ZNF568: variants seen among roughly 807,000 people sequenced by gnomAD.
ZNF568 encodes the protein p53 inhibitor of SCO2 activation.
ZNF568 carries 11 observed loss-of-function variants against 18.1 expected under a neutral mutation model. The ratio of observed to expected loss-of-function variants is 0.61; its 90% CI spans 0.38 to 1.00. The LOEUF is 1.00. Ranked by LOEUF, ZNF568 falls within the 50% of genes least tolerant of loss-of-function variation. ZNF568 has a pLI of 0.01. For missense variants in ZNF568, 639 were observed against 768.2 expected (o/e 0.83, Z 1.99); for synonymous variants, 213 against 246.6 (o/e 0.86, Z 1.28).
downstream of ZNF568, among the ~76,000 whole-genome samples, chr19:36,981,728 G>T (rs180852611): frequency 6.6e-6 from 1 of 151,928 alleles, no homozygotes; most frequent in African/African-American, 2.4e-5. Flanking sequence ...TAAAAAATTA[G>T]CCAGGCATGA....
intron 6 of ZNF568, among the ~76,000 whole-genome samples, chr19:36,968,240 CAT>C (rs148417997): frequency 0.024 from 3,687 of 152,016 alleles, 161 homozygotes; most frequent in African/African-American, 0.084. Flanking sequence ...GAGAGTAACA[CAT>C]ATTAATTTAC....
intron 4 of ZNF568, among the ~76,000 whole-genome samples, chr19:36,936,187 T>C (rs2073786722): frequency 6.6e-6 from 1 of 152,208 alleles, no homozygotes; most frequent in East Asian, 1.9e-4. Context: ...TATACTAAGT[T>C]CCATTAAGAT....
chr19:36,922,129 G>A (rs1344720431), intron 2 of ZNF568, among the ~76,000 whole-genome samples: 6 of 152,148 alleles, frequency 3.9e-5, no homozygotes, highest in African/African-American at 1.4e-4. Flanking sequence ...AATTTCTGTG[G>A]GAAGTGTCTT....
chr19:36,961,805 G>C (rs935490026), intron 6 of ZNF568, among the ~76,000 whole-genome samples: 1 of 151,648 alleles, frequency 6.6e-6, no homozygotes, highest in Non-Finnish European at 1.5e-5. Flanking sequence ...TTACAGGCGT[G>C]AGCCACTGAC....
intron 2 of ZNF568, among the ~76,000 whole-genome samples, chr19:36,920,992 C>T (rs964415387): frequency 2.0e-5 from 3 of 152,078 alleles, no homozygotes; most frequent in African/African-American, 7.2e-5. Context: ...AGGTTCGTAG[C>T]CTAGGAGCAA....
chr19:36,920,350 C>G (rs2073431502), intron 2 of ZNF568, among the ~76,000 whole-genome samples: 1 of 152,138 alleles, frequency 6.6e-6, no homozygotes, highest in Non-Finnish European at 1.5e-5. Context: ...TGGCTGGACA[C>G]AGTGGCTCAC....
At chr19:36,938,145 TTTTCTGTC>T (rs2073820756) in intron 6 of ZNF568, among the ~76,000 whole-genome samples, 1 of 152,202 alleles carries the variant, frequency 6.6e-6, no homozygotes, top group Admixed American at 6.5e-5. Flanking sequence ...AATGCCAATG[TTTTCTGTC>T]TAAGAACACA....
intron 6 of ZNF568, among the ~76,000 whole-genome samples, chr19:36,946,508 T>G (rs2073966725): frequency 6.6e-6 from 1 of 152,094 alleles, no homozygotes; most frequent in African/African-American, 2.4e-5. Context: ...CAAAATTCTT[T>G]GTTTAAATAA....
intron 6 of ZNF568, among the ~76,000 whole-genome samples, chr19:36,949,130 A>G (rs1188356312): frequency 6.6e-6 from 1 of 152,194 alleles, no homozygotes; most frequent in Non-Finnish European, 1.5e-5. Flanking sequence ...GGAAAAATAC[A>G]TGCATTCAAG....
rs547314938 is a variant in ZNF568 at position 36,987,631 on chromosome 19, A to G, written c.10-3545A>G. Among the ~76,000 whole-genome samples, 153 of 151,710 alleles carry G rather than the reference A, an allele frequency of 1.0e-3. 1 individual carries two copies. The highest frequency in any genetic ancestry group is 3.4e-3 in the African/African-American group (139 of 41,338). ...CCTTCAAGTCTTTGGGGTGCCTTCC[A>G]TGGCTGAGGGTCTCAGTGATATCCA... On this transcript the variant is annotated intron_variant, in intron 2 of 4. Transcript: ENST00000433993.
intron 6 of ZNF568, among the ~76,000 whole-genome samples, chr19:36,973,919 A>T (rs1433594773): frequency 1.3e-5 from 2 of 152,044 alleles, no homozygotes; most frequent in African/African-American, 4.8e-5. Context: ...GTAGGTAGTG[A>T]ATCTCTGTGA....
In ZNF568 at chr19:36,952,056, CA is replaced by C. The variant is rs2074068651; in HGVS notation, c.*970del. The C allele has an allele frequency of 1.3e-6, 1 of 786,164 alleles. No homozygotes were observed. Among genetic ancestry groups the C allele is most frequent in the African/African-American group, 3.6e-5 (1 of 27,482 alleles). The allele number at this position is 786,164 out of a possible 1,614,324, so 48.7% of individuals were successfully genotyped here. ...CAAGGAGCTTTTTTTTTTTTTTTTT[CA>C]AGACAAAAGGACTCTGTAATTCCAC... On this transcript the variant is annotated 3_prime_UTR_variant, in exon 7 of 7. Transcript: ENST00000333987.
chr19:36,922,013 T>C (rs1015959625), intron 2 of ZNF568, among the ~76,000 whole-genome samples: 4 of 152,188 alleles, frequency 2.6e-5, no homozygotes, highest in African/African-American at 9.7e-5. Flanking sequence ...CCAGAGTGTA[T>C]GAATTACAAA....
chr19:36,931,777 CAAGT>C (rs1195890873), intron 4 of ZNF568: 4 of 152,108 alleles, frequency 2.6e-5, no homozygotes, highest in East Asian at 1.9e-4. Context: ...TTAAAGTATA[CAAGT>C]GAGTGGTTTT....
At position 36,949,692 on chromosome 19, in the gene ZNF568, C is replaced by T; in HGVS notation, c.539C>T (p.Ser180Leu). 6.2e-7 allele frequency: 1 copy of T among 1,613,714 alleles called. No homozygotes were observed. Among genetic ancestry groups the T allele is most frequent in the Non-Finnish European group, 8.5e-7 (1 of 1,179,818 alleles). Residue 180 changes from serine to leucine, a missense_variant, in exon 7 of 7, where the codon TCA (serine) becomes TTA (leucine). Ser to Leu is a moderately radical substitution (Grantham distance 145). Transcript: ENST00000333987. ...AGACAAAGCTTCTATGACTGTGACT[C>T]ACTTGATAAGGGTTTGGAACATAAT... ...TSRQSFYDCD[S>L]LDKGLEHNLD... is the part of the protein sequence containing the mutation.
intron 1 of ZNF568, among the ~76,000 whole-genome samples, chr19:36,917,002 CATT>C (rs1262761259): frequency 1.3e-5 from 2 of 152,136 alleles, no homozygotes; most frequent in African/African-American, 4.8e-5. Flanking sequence ...TTTTCAGGTT[CATT>C]ATTATCTTAT....
At chr19:36,969,946 A>G (rs986574443) in intron 6 of ZNF568, among the ~76,000 whole-genome samples, 2 of 121,574 alleles carry the variant, frequency 1.6e-5, no homozygotes, top group East Asian at 2.0e-4. Context: ...TATTTTTAGT[A>G]GAGACTGGGT....
intron 2 of ZNF568, chr19:36,991,104 C>T: frequency 6.9e-7 from 1 of 1,453,156 alleles, no homozygotes; most frequent in Non-Finnish European, 9.1e-7. Context: ...TTGCTTTCTC[C>T]ATTTTCTTTT....
intron 4 of ZNF568, among the ~76,000 whole-genome samples, chr19:36,934,698 C>T (rs948226945): frequency 6.6e-6 from 1 of 152,112 alleles, no homozygotes; most frequent in Non-Finnish European, 1.5e-5. Flanking sequence ...TATAGGTTTC[C>T]CTCTAAAACT....
Sources: allele counts gnomAD v4.1 joint callset (sites outside exome capture counted in the v4.1 genomes callset), GRCh38; gene constraint gnomAD v4.1.1; transcripts MANE v1.5; gene names NCBI Gene and HGNC (gene_info 2026-07-23, HGNC 2026-07-21).